Variants in BCOR observed in about 807,000 individuals in gnomAD.
The protein encoded by BCOR is BCL6 corepressor, also known as BCL-6 corepressor.
In BCOR, 10 loss-of-function variants were observed where a neutral mutation model predicts 86.7. That is an observed-to-expected ratio of 0.12 (90% CI 0.07 to 0.20). The LOEUF (loss-of-function observed/expected upper bound fraction) is 0.20. BCOR is among the 10% of genes least tolerant of loss of function. The pLI, the probability that BCOR is intolerant of heterozygous loss-of-function variation, is 1.00. For missense variants in BCOR, 1,259 were observed against 1,452.1 expected (o/e 0.87, Z 2.16); for synonymous variants, 611 against 609.0 (o/e 1.00, Z -0.05).
Position 40,074,954 on chromosome X carries a change from G to A in BCOR, c.392C>T (p.Thr131Ile), listed in dbSNP as rs781039956. Reference protein sequence around the residue: ...EMQFKPNTPETVEASAVSGKP... With the variant: ...EMQFKPNTPEIVEASAVSGKP... Reference sequence around the variant, plus strand: ...TCCAGAGACGGCAGAAGCCTCCACTGTCTCGGGTGTATTCGGTTTGAACTG... The same window carrying A: ...TCCAGAGACGGCAGAAGCCTCCACTATCTCGGGTGTATTCGGTTTGAACTG... The change falls in exon 4 of 15, where the codon ACA (threonine) becomes ATA (isoleucine). Residue 131 changes from threonine (T) to isoleucine (I), a missense_variant. Thr to Ile is a moderately conservative substitution (Grantham distance 89, BLOSUM62 -1). Around this residue, in one of 7 missense-constraint regions of BCOR, gnomAD observed 174 missense variants for 189.3 expected, o/e 0.92. Transcript: ENST00000378444. 3.3e-6 allele frequency: 4 copies of A among 1,211,112 alleles called. No homozygotes were observed. Among genetic ancestry groups the A allele is most frequent in the Non-Finnish European group, 4.5e-6 (4 of 895,268 alleles).
chrX:40,071,208 A>G (rs1455295350), intron 5 of BCOR, 49 bp from the exon 6 acceptor site: 6 of 1,124,580 alleles, frequency 5.3e-6, no homozygotes, highest in Non-Finnish European at 7.2e-6. Flanking sequence ...ACCTTACCAT[A>G]AAAGCTATTT....
At chrX:40,145,279 G>C (rs1277559381) in intron 1 of BCOR, among the ~76,000 whole-genome samples, 1 of 111,529 alleles carries the variant, frequency 9.0e-6, no homozygotes, top group East Asian at 2.9e-4. Flanking sequence ...GGAACCTTCC[G>C]CGCGAACCCG....
intron 1 of BCOR, among the ~76,000 whole-genome samples, chrX:40,087,756 C>T (rs1294004526): frequency 4.5e-5 from 5 of 112,252 alleles, no homozygotes; most frequent in South Asian, 3.7e-4. Flanking sequence ...CACCCTTTCG[C>T]CTGCTTAGAG....
rs773612869 is a variant in BCOR, at chrX:40,074,451, C to T, written c.895G>A (p.Val299Ile). 1 of 1,204,640 alleles carries T rather than the reference C, an allele frequency of 8.3e-7. No individual in the cohort carries two copies. ...WKMGVSPGNP[V>I]DSHAYPHIQN... ...ATGTGAGGATAGGCGTGGGAATCAA[C>T]AGGATTCCCAGGGCTGACGCCCATC... The change falls in exon 4 of 15, where the codon GTT becomes ATT. Residue 299 changes from valine to isoleucine, a missense_variant. Transcript: ENST00000378444.
intron 1 of BCOR, among the ~76,000 whole-genome samples, chrX:40,127,415 G>A (rs984731418): frequency 1.8e-5 from 2 of 112,464 alleles, no homozygotes; most frequent in African/African-American, 6.5e-5. Context: ...AAACCCAGAT[G>A]TAACCAGCAG....
At chrX:40,157,782 T>C (rs1020453127) in intron 1 of BCOR, among the ~76,000 whole-genome samples, 17 of 112,268 alleles carry the variant, frequency 1.5e-4, no homozygotes, top group African/African-American at 5.5e-4. Context: ...TTCTGGTAAA[T>C]TGGACCTCAG....
intron 10 of BCOR, among the ~76,000 whole-genome samples, chrX:40,061,393 G>T (rs1003464746): frequency 2.7e-5 from 3 of 111,505 alleles, no homozygotes; most frequent in Admixed American, 1.9e-4. Context: ...TTCAAATCAT[G>T]TAACGCCTCT....
In BCOR at chrX:40,097,303, A is replaced by C. The variant is rs1312860419; in HGVS notation, c.-129T>G. The C allele has an allele frequency of 4.1e-5, 1 of 24,343 alleles. No homozygotes were observed. Among genetic ancestry groups the C allele is most frequent in the Non-Finnish European group, 7.7e-5 (1 of 12,997 alleles). 2.0% of individuals were successfully genotyped at this position (24,343 alleles called of 1,213,427 possible). A position where few individuals can be genotyped will look rare whatever the true frequency, so the allele number is the denominator to read the frequency against. ...AAGCGGACTCGAGGCGGCGAGAAGG[A>C]GCGGGGGGCGGTTGGGTGGGTGGAG... On this transcript the variant is annotated 5_prime_UTR_variant, in exon 1 of 15. Coordinates refer to ENST00000378444, the MANE Select transcript of BCOR (RefSeq NM_001123385.2).
chrX:40,169,718 C>T (rs909827301), intron 1 of BCOR, among the ~76,000 whole-genome samples: 1 of 111,440 alleles, frequency 9.0e-6, no homozygotes, highest in African/African-American at 3.3e-5. Context: ...TCGCCCAGGG[C>T]TGCGGAGGTA....
intron 2 of BCOR, chrX:40,077,621 C>T (rs1052590151): frequency 9.3e-6 from 4 of 428,660 alleles, no homozygotes; most frequent in East Asian, 7.7e-5. Context: ...AAATTAAGGA[C>T]GAAAGTGCAC....
chrX:40,103,925 AAAAG>A (rs1215922317), intron 1 of BCOR, among the ~76,000 whole-genome samples: 1 of 111,748 alleles, frequency 8.9e-6, no homozygotes, highest in African/African-American at 3.3e-5. Context: ...ACTGGATCAA[AAAAG>A]AAAAAGAGAA....
At position 40,062,215 on chromosome X, in the gene BCOR, G is replaced by C. The variant is rs773750414; in HGVS notation, c.4352C>G (p.Pro1451Arg). The C allele has an allele frequency of 5.8e-6, 7 of 1,207,989 alleles. No homozygotes were observed. Among genetic ancestry groups the C allele is most frequent in the Non-Finnish European group, 7.8e-6 (7 of 894,453 alleles). Residue 1451 changes from proline to arginine, a missense_variant, in exon 10 of 15, where the codon CCG becomes CGG. By Grantham distance (103) the Pro-to-Arg change is moderately radical. Transcript: ENST00000378444. Reference sequence around the variant, plus strand: ...ATTGACAATAAGTCTCCGTGCTTCCGGCGGCATAGGGCGAGACTGGGTGGT... The same window carrying C: ...ATTGACAATAAGTCTCCGTGCTTCCCGCGGCATAGGGCGAGACTGGGTGGT... ...QETTQSRPMPPEARRLIVNKN... is the reference protein window; with the variant it reads ...QETTQSRPMPREARRLIVNKN...
intron 1 of BCOR, among the ~76,000 whole-genome samples, chrX:40,114,770 C>A (rs1937365861): frequency 9.0e-6 from 1 of 110,790 alleles, no homozygotes; most frequent in African/African-American, 3.3e-5. Context: ...TTGTTCATTT[C>A]AGTTACTTTA....
At chrX:40,129,428 G>A (rs1182447919) in intron 1 of BCOR, among the ~76,000 whole-genome samples, 2 of 109,254 alleles carry the variant, frequency 1.8e-5, no homozygotes, top group Non-Finnish European at 3.8e-5. Context: ...AGGTTGCAGT[G>A]AGCCAAGATC....
intron 1 of BCOR, among the ~76,000 whole-genome samples, chrX:40,170,185 G>A (rs1365670840): frequency 9.0e-6 from 1 of 111,682 alleles, no homozygotes; most frequent in African/African-American, 3.3e-5. Context: ...CACCCCAGAC[G>A]CCAACAACAC....
chrX:40,123,053 C>T lies in BCOR; in HGVS notation c.-40-45084G>A, dbSNP rs190637957. 1.5e-4 allele frequency among the ~76,000 whole-genome samples: 17 copies of T among 111,561 alleles called. No individual in the cohort carries two copies. In the East Asian group the frequency reaches 4.5e-3, roughly 30 times the overall value. On this transcript the variant is annotated intron_variant, in intron 1 of 14. Coordinates refer to the BCOR transcript ENST00000342274. ...GGGCAGCTCGGAGGCCTGGGAGTCT[C>T]GGGCACTTACTGGCCTTCCTGTAGA...
intron 1 of BCOR, among the ~76,000 whole-genome samples, chrX:40,158,141 C>T (rs1479361342): frequency 8.9e-6 from 1 of 112,351 alleles, no homozygotes; most frequent in South Asian, 3.6e-4. Context: ...CTGGCCGTCC[C>T]GATCCCAGCC....
chrX:40,133,138 TC>T (rs1937619408), intron 1 of BCOR, among the ~76,000 whole-genome samples: 1 of 110,312 alleles, frequency 9.1e-6, no homozygotes, highest in Non-Finnish European at 1.9e-5. Context: ...TTTCTTTTTT[TC>T]TTTTTTTTTT....
At chrX:40,130,510 A>T (rs887894923) in intron 1 of BCOR, among the ~76,000 whole-genome samples, 6 of 112,182 alleles carry the variant, frequency 5.3e-5, no homozygotes, top group Non-Finnish European at 1.1e-4. Context: ...ACATAGAAGG[A>T]GCCCCATCAT....
Sources: gnomAD v4.1 joint callset for allele counts (sites outside exome capture counted in the v4.1 genomes callset) on GRCh38, gnomAD v4.1.1 for gene constraint, gnomAD v4.1.1 regional missense constraint, MANE v1.5 for transcripts, NCBI Gene and HGNC (gene_info 2026-07-23, HGNC 2026-07-21) for gene names.